PDE1A: variants seen among roughly 807,000 people sequenced by gnomAD.
The protein encoded by PDE1A is phosphodiesterase 1A.
Under a neutral mutation model 61.7 loss-of-function variants are expected in PDE1A, and 35 were observed. That is an observed-to-expected ratio of 0.57 (90% CI 0.43 to 0.75). The LOEUF (loss-of-function observed/expected upper bound fraction) is 0.75, where lower values mean the gene tolerates loss of function less well. Ranked by LOEUF, PDE1A falls within the 30% of genes least tolerant of loss-of-function variation. PDE1A has a pLI of 0.00. For missense variants in PDE1A, 597 were observed against 630.6 expected (o/e 0.95, Z 0.57); for synonymous variants, 232 against 213.2 (o/e 1.09, Z -0.77).
chr2:182,221,130 T>C (rs1688692416), intron 7 of PDE1A, among the ~76,000 whole-genome samples: 1 of 151,566 alleles, frequency 6.6e-6, no homozygotes, highest in South Asian at 2.1e-4. Context: ...CACCACCTCC[T>C]CCTCCCTCTC....
At chr2:182,487,668 G>C (rs1688103275) in intron 2 of PDE1A, among the ~76,000 whole-genome samples, 1 of 152,130 alleles carries the variant, frequency 6.6e-6, no homozygotes. Flanking sequence ...TGTGGGGATG[G>C]GTAGGAGTGG....
chr2:182,252,802 C>CAGAT (rs1349561498), intron 2 of PDE1A, among the ~76,000 whole-genome samples: 1 of 152,140 alleles, frequency 6.6e-6, no homozygotes, highest in East Asian at 1.9e-4. Context: ...TGTGTCTACA[C>CAGAT]AGATAGGCCT....
intron 13 of PDE1A, among the ~76,000 whole-genome samples, chr2:182,179,584 T>C (rs1389660293): frequency 1.3e-5 from 2 of 152,142 alleles, no homozygotes; most frequent in African/African-American, 4.8e-5. Context: ...TCCAAGGGCA[T>C]GGCAAGATCA....
At chr2:182,169,384 T>C (rs1370793689) in intron 13 of PDE1A, among the ~76,000 whole-genome samples, 2 of 152,104 alleles carry the variant, frequency 1.3e-5, no homozygotes, top group African/African-American at 4.8e-5. Context: ...ATGGATTTTG[T>C]ATATCAACAC....
At chr2:182,369,635 A>G (rs1248221776) in intron 1 of PDE1A, among the ~76,000 whole-genome samples, 2 of 152,138 alleles carry the variant, frequency 1.3e-5, no homozygotes, top group African/African-American at 2.4e-5. Context: ...ATCCTGCAGC[A>G]TAAGTCAAGG....
At chr2:182,310,589 G>A (rs994846501) in intron 1 of PDE1A, among the ~76,000 whole-genome samples, 2 of 151,962 alleles carry the variant, frequency 1.3e-5, no homozygotes, top group East Asian at 1.9e-4. Context: ...CCTAGTAAAC[G>A]AGATGTATTT....
chr2:182,606,498 T>C, the PDE1A span, among the ~76,000 whole-genome samples: 1 of 152,200 alleles, frequency 6.6e-6, no homozygotes, highest in African/African-American at 2.4e-5. Context: ...ATTTATATAA[T>C]GAAAATTCAA....
chr2:182,287,455 AC>A (rs1404766538), intron 1 of PDE1A, among the ~76,000 whole-genome samples: 2 of 152,092 alleles, frequency 1.3e-5, no homozygotes, highest in African/African-American at 4.8e-5. Context: ...TTATGACTCC[AC>A]ATGCAGACAG....
Position 182,218,710 on chromosome 2 carries a change from T to C in PDE1A, c.776+5154A>G, listed in dbSNP as rs143589242. Among the ~76,000 whole-genome samples, 292 of 152,284 alleles carry C rather than the reference T, an allele frequency of 1.9e-3. 3 individuals are homozygous for C. The highest frequency in any genetic ancestry group is 6.8e-3 in the Middle Eastern group (2 of 294). On this transcript the variant is annotated intron_variant, in intron 7 of 13. Transcript: ENST00000351439. ...TGTAAAATGCTTTTTCTGCATTTAT[T>C]GATAAGATCATGTGATTTTTTTCCT...
chr2:182,697,097 C>T, the PDE1A span, among the ~76,000 whole-genome samples: 1 of 152,182 alleles, frequency 6.6e-6, no homozygotes, highest in African/African-American at 2.4e-5. Context: ...CTCTGATATA[C>T]CAAGATGGCT....
chr2:182,629,068 T>C, the PDE1A span, among the ~76,000 whole-genome samples: 76,420 of 151,902 alleles, frequency 0.5, 20,068 homozygotes, highest in Admixed American at 0.63. Context: ...TTGCAGGTGG[T>C]CTCTGAGACA....
At chr2:182,458,519 C>T (rs1265332829) in intron 2 of PDE1A, among the ~76,000 whole-genome samples, 1 of 151,880 alleles carries the variant, frequency 6.6e-6, no homozygotes, top group African/African-American at 2.4e-5. Context: ...ATAGAGTGAC[C>T]AGAGTGATAT....
chr2:182,409,702 T>C (rs1166424587), intron 1 of PDE1A, among the ~76,000 whole-genome samples: 1 of 152,194 alleles, frequency 6.6e-6, no homozygotes, highest in Non-Finnish European at 1.5e-5. Context: ...ACCATAGGCA[T>C]AAGGGAAGCC....
chr2:182,711,344 G>C, the PDE1A span, among the ~76,000 whole-genome samples: 1 of 152,194 alleles, frequency 6.6e-6, no homozygotes, highest in Admixed American at 6.5e-5. Context: ...CTTACTGTCA[G>C]ACAGAAGAGC....
chr2:182,636,118 G>A, the PDE1A span, among the ~76,000 whole-genome samples: 1 of 151,706 alleles, frequency 6.6e-6, no homozygotes, highest in African/African-American at 2.4e-5. Context: ...ACCGTGCCCG[G>A]CTAATTTTTT....
chr2:182,167,045 C>A (rs770390868), downstream of PDE1A, among the ~76,000 whole-genome samples: 1 of 152,056 alleles, frequency 6.6e-6, no homozygotes, highest in South Asian at 2.1e-4. Context: ...TACAGTAAAC[C>A]GTTCATGTTC....
chr2:182,249,312 G>A (rs1214105849), intron 2 of PDE1A, among the ~76,000 whole-genome samples: 2 of 152,200 alleles, frequency 1.3e-5, no homozygotes, highest in African/African-American at 4.8e-5. Flanking sequence ...GGTAGAGAAT[G>A]CTGGGGTCTT....
the PDE1A span, among the ~76,000 whole-genome samples, chr2:182,694,825 T>A: frequency 9.2e-5 from 5 of 54,080 alleles, no homozygotes; most frequent in Middle Eastern, 0.017. Context: ...AAAAAAAAGG[T>A]GGGGGGGGGG....
the PDE1A span, among the ~76,000 whole-genome samples, chr2:182,660,371 A>G: frequency 6.6e-6 from 1 of 152,200 alleles, no homozygotes; most frequent in Non-Finnish European, 1.5e-5. Flanking sequence ...ATCTGTGATA[A>G]TTGGAATCCT....
Sources: gnomAD v4.1 joint callset for allele counts (sites outside exome capture counted in the v4.1 genomes callset) on GRCh38, gnomAD v4.1.1 for gene constraint, MANE v1.5 for transcripts, NCBI Gene and HGNC (gene_info 2026-07-23, HGNC 2026-07-21) for gene names.